PTPRD: variants seen among roughly 807,000 people sequenced by gnomAD.
PTPRD encodes the protein protein tyrosine phosphatase receptor type D, also known as receptor-type tyrosine-protein phosphatase delta.
A neutral mutation model predicts 214.5 loss-of-function variants in PTPRD; 34 were observed. The ratio of observed to expected loss-of-function variants is 0.16; its 90% CI spans 0.12 to 0.21. PTPRD has a LOEUF of 0.21. Among genes scored for constraint, PTPRD ranks in the 10% least tolerant of loss-of-function variants. The probability of loss-of-function intolerance (pLI) is 1.00; values close to 1 mark genes in which losing one functional copy is unlikely to be tolerated. For synonymous variants in PTPRD, 1,128 were observed against 845.7 expected (o/e 1.33, Z -5.79); for missense variants, 2,545 against 2,398.7 (o/e 1.06, Z -1.27).
At chr9:8,792,745 G>A (rs537825262) in intron 11 of PTPRD, among the ~76,000 whole-genome samples, 2 of 152,230 alleles carry the variant, frequency 1.3e-5, no homozygotes, top group Admixed American at 1.3e-4. Flanking sequence ...GCCTCCACTA[G>A]AGGTAAAGAC....
chr9:8,856,946 A>C lies in PTPRD; in HGVS notation c.-103-123000T>G, dbSNP rs1047657601. On this transcript the variant is annotated intron_variant, in intron 11 of 45. Coordinates refer to ENST00000381196, the MANE Select transcript of PTPRD (RefSeq NM_002839.4). Reference sequence around the variant, plus strand: ...CAATAAATCTATGGGAAAGCAAATAATCTTTGGTTTGTTCGTGGCTTTCTT... The same window carrying C: ...CAATAAATCTATGGGAAAGCAAATACTCTTTGGTTTGTTCGTGGCTTTCTT... 5.9e-5 allele frequency among the ~76,000 whole-genome samples: 9 copies of C among 152,316 alleles called. No homozygotes were observed. In the Middle Eastern group the frequency reaches 0.01, roughly 173 times the overall value.
At chr9:9,968,821 G>GAAACTTAAT (rs2094894119) in intron 4 of PTPRD, among the ~76,000 whole-genome samples, 1 of 152,090 alleles carries the variant, frequency 6.6e-6, no homozygotes, top group Non-Finnish European at 1.5e-5. Context: ...GAACGAGAAA[G>GAAACTTAAT]GAAAGAAAAC....
chr9:8,388,504 A>G (rs912947820), intron 37 of PTPRD, among the ~76,000 whole-genome samples: 2 of 152,152 alleles, frequency 1.3e-5, no homozygotes, highest in African/African-American at 4.8e-5. Flanking sequence ...CAAAATGTAC[A>G]CATGTACTCA....
intron 8 of PTPRD, among the ~76,000 whole-genome samples, chr9:9,479,965 T>G (rs2095331776): frequency 6.6e-6 from 1 of 152,146 alleles, no homozygotes; most frequent in South Asian, 2.1e-4. Flanking sequence ...AAGACTGTCA[T>G]GCCATGGACT....
At chr9:10,437,499 T>C (rs918747720) in intron 2 of PTPRD, among the ~76,000 whole-genome samples, 3 of 151,770 alleles carry the variant, frequency 2.0e-5, no homozygotes, top group Non-Finnish European at 4.4e-5. Context: ...TGGCTTGATA[T>C]CAGAAGTTAC....
At chr9:8,614,541 T>C (rs1203307282) in intron 14 of PTPRD, among the ~76,000 whole-genome samples, 5 of 152,152 alleles carry the variant, frequency 3.3e-5, no homozygotes, top group Admixed American at 2.6e-4. Flanking sequence ...TAAGTACTCT[T>C]TAGGACTGAG....
chr9:8,361,725 G>A (rs961646505), intron 39 of PTPRD, among the ~76,000 whole-genome samples: 3 of 152,200 alleles, frequency 2.0e-5, no homozygotes, highest in Admixed American at 2.0e-4. Flanking sequence ...AATTGAAGCT[G>A]TGTGATGCGT....
At chr9:10,041,488 T>C (rs1268951390) in intron 3 of PTPRD, among the ~76,000 whole-genome samples, 1 of 151,810 alleles carries the variant, frequency 6.6e-6, no homozygotes, top group Non-Finnish European at 1.5e-5. Context: ...AATAAGCATA[T>C]TATGTTTTAG....
intron 9 of PTPRD, among the ~76,000 whole-genome samples, chr9:9,243,498 A>G (rs1221528626): frequency 1.3e-5 from 2 of 152,182 alleles, no homozygotes; most frequent in South Asian, 2.1e-4. Flanking sequence ...ATGCAAATCA[A>G]TAAACGTAAT....
chr9:9,203,487 C>G (rs1219600999), intron 9 of PTPRD, among the ~76,000 whole-genome samples: 2 of 152,098 alleles, frequency 1.3e-5, no homozygotes, highest in African/African-American at 2.4e-5. Flanking sequence ...AATTTAAAAT[C>G]ACTTCTTCCT....
intron 4 of PTPRD, among the ~76,000 whole-genome samples, chr9:10,005,955 A>G (rs1453654399): frequency 6.6e-6 from 1 of 152,110 alleles, no homozygotes; most frequent in Non-Finnish European, 1.5e-5. Flanking sequence ...AAATTCTAAA[A>G]TCTAAACTGA....
chr9:8,456,135 T>G (rs12685186), intron 33 of PTPRD, among the ~76,000 whole-genome samples: 1 of 152,100 alleles, frequency 6.6e-6, no homozygotes, highest in Admixed American at 6.5e-5. Context: ...TTCAATATTT[T>G]TGTGTGCCAG....
intron 32 of PTPRD, among the ~76,000 whole-genome samples, chr9:8,464,499 A>T (rs1170151225): frequency 6.6e-6 from 1 of 151,926 alleles, no homozygotes; most frequent in African/African-American, 2.4e-5. Flanking sequence ...CAGTCACTTG[A>T]AGAGAGGCCC....
intron 7 of PTPRD, among the ~76,000 whole-genome samples, chr9:9,593,459 G>T (rs751922534): frequency 1.3e-5 from 2 of 151,892 alleles, no homozygotes; most frequent in African/African-American, 2.4e-5. Context: ...TGTTGTTGTT[G>T]CTCGGATTTT....
intron 39 of PTPRD, among the ~76,000 whole-genome samples, chr9:8,352,884 G>T (rs1024376094): frequency 6.6e-5 from 10 of 152,018 alleles, no homozygotes; most frequent in Non-Finnish European, 1.0e-4. Flanking sequence ...AGGCTGAGGC[G>T]GACGGATCAC....
chr9:9,579,873 T>G (rs560039198), intron 7 of PTPRD, among the ~76,000 whole-genome samples: 1 of 152,144 alleles, frequency 6.6e-6, no homozygotes, highest in Non-Finnish European at 1.5e-5. Flanking sequence ...ACCCTCTGAG[T>G]TTCCATTGTC....
At chr9:10,060,614 T>A (rs2097744353) in intron 3 of PTPRD, among the ~76,000 whole-genome samples, 1 of 151,966 alleles carries the variant, frequency 6.6e-6, no homozygotes, top group Admixed American at 6.6e-5. Flanking sequence ...GCAAATTGCA[T>A]TTTTAATTGC....
At chr9:9,143,957 G>A (rs1359210171) in intron 10 of PTPRD, among the ~76,000 whole-genome samples, 1 of 152,182 alleles carries the variant, frequency 6.6e-6, no homozygotes, top group Non-Finnish European at 1.5e-5. Flanking sequence ...GAGATGTTTA[G>A]GTATTTTCCC....
At chr9:8,942,681 G>T (rs891634715) in intron 11 of PTPRD, among the ~76,000 whole-genome samples, 26 of 151,794 alleles carry the variant, frequency 1.7e-4, no homozygotes, top group South Asian at 1.2e-3. Flanking sequence ...TGAAAGGGAA[G>T]AAAAAAACAT....
Sources: allele counts gnomAD v4.1 joint callset (sites outside exome capture counted in the v4.1 genomes callset), GRCh38; gene constraint gnomAD v4.1.1; transcripts MANE v1.5; gene names NCBI Gene and HGNC (gene_info 2026-07-23, HGNC 2026-07-21).